Variants in TBPL2 observed in about 807,000 individuals in gnomAD.
TBPL2 encodes the protein TATA-box binding protein like 2.
A neutral mutation model predicts 38.2 loss-of-function variants in TBPL2; 40 were observed. The ratio of observed to expected loss-of-function variants is 1.05; its 90% CI spans 0.81 to 1.36. The LOEUF (loss-of-function observed/expected upper bound fraction) is 1.36. Ranked by LOEUF, TBPL2 falls within the 40% of genes most tolerant of loss-of-function variation. The pLI is 0.00. For missense variants in TBPL2, 461 were observed against 456.7 expected, an observed-to-expected ratio of 1.01 and a Z score of -0.09; for synonymous variants, 169 against 171.7, an observed-to-expected ratio of 0.98 and a Z score of 0.12.
chr14:55,428,802 C>T lies in TBPL2; in HGVS notation c.956+5G>A. ...TTCAAAGTTCAAGCTATATAACCGT[C>T]ATACCTACTGAACTGCTGATGGGTT... On this transcript the variant is annotated splice_donor_5th_base_variant and intron_variant, in intron 5 of 6. Coordinates refer to ENST00000247219, the Ensembl canonical transcript of TBPL2. 6.2e-7 allele frequency: 1 copy of T among 1,613,396 alleles called. No individual in the cohort carries two copies. The highest frequency in any genetic ancestry group is 8.5e-7 in the Non-Finnish European group (1 of 1,179,702).
rs1886008152 is a variant in TBPL2 at position 55,436,044 on chromosome 14, G to A, written c.609-110C>T. The A allele has an allele frequency of 4.6e-5, 28 of 608,880 alleles. No individual in the cohort carries two copies. In the East Asian group the frequency reaches 9.4e-4, roughly 20 times the overall value. 37.7% of individuals were successfully genotyped at this position (608,880 alleles called of 1,614,324 possible). A position where few individuals can be genotyped will look rare whatever the true frequency, so the allele number is the denominator to read the frequency against. On this transcript the variant is annotated intron_variant, in intron 2 of 6. Coordinates refer to ENST00000247219, the Ensembl canonical transcript of TBPL2. ...GTTATACCTTAGCAATTTCCTAGGG[G>A]GAGAATTATTCCAAATGTGAAATAC...
At chr14:55,434,152 A>T (rs1238758350) in intron 3 of TBPL2, among the ~76,000 whole-genome samples, 2 of 152,236 alleles carry the variant, frequency 1.3e-5, no homozygotes, top group Non-Finnish European at 2.9e-5. Flanking sequence ...TGGGAAAAAA[A>T]TAAGTATGTT....
chr14:55,436,249 C>T (rs147512711), intron 2 of TBPL2, among the ~76,000 whole-genome samples: 282 of 152,252 alleles, frequency 1.9e-3, no homozygotes, highest in Non-Finnish European at 3.2e-3. Flanking sequence ...ATCTTTATAT[C>T]CTTGGTGTTT....
chr14:55,429,120 C>T (rs1885881856), intron 4 of TBPL2, 146 bp from the exon 5 acceptor site: 2 of 961,130 alleles, frequency 2.1e-6, no homozygotes, highest in Non-Finnish European at 3.0e-6. Context: ...GGACTTACTT[C>T]CCATACTTTC....
chr14:55,419,507 A>G (rs919300625), intron 6 of TBPL2, among the ~76,000 whole-genome samples: 2 of 152,186 alleles, frequency 1.3e-5, no homozygotes, highest in African/African-American at 4.8e-5. Context: ...TAAATGTCAC[A>G]CCAGCCACAG....
rs545657669 is a variant in TBPL2, at chr14:55,424,826, G to C, written c.957-573C>G. ...AACTCATATTTACTACTAAATATAA[G>C]CTGGCCACTCCATGGAGCGAAAGAT... On this transcript the variant is annotated intron_variant, in intron 5 of 6. Coordinates refer to ENST00000247219, the Ensembl canonical transcript of TBPL2. Among the ~76,000 whole-genome samples the C allele has an allele frequency of 8.5e-5, 13 of 152,224 alleles. No individual in the cohort carries two copies. In the South Asian group the frequency reaches 2.7e-3, roughly 32 times the overall value.
intron 1 of TBPL2, among the ~76,000 whole-genome samples, chr14:55,437,911 G>A (rs1469424698): frequency 6.6e-6 from 1 of 152,206 alleles, no homozygotes; most frequent in Non-Finnish European, 1.5e-5. Context: ...AACTTAAATG[G>A]TAAGAATAGT....
chr14:55,430,750 C>T (rs759937305), intron 4 of TBPL2, among the ~76,000 whole-genome samples: 5 of 152,192 alleles, frequency 3.3e-5, no homozygotes, highest in Non-Finnish European at 7.3e-5. Flanking sequence ...ACAGCACTGC[C>T]CTTGGCTCTC....
chr14:55,426,277 A>T (rs1566592123), intron 5 of TBPL2, among the ~76,000 whole-genome samples: 2 of 149,788 alleles, frequency 1.3e-5, no homozygotes, highest in African/African-American at 5.1e-5. Flanking sequence ...CAAAAAAAAA[A>T]AATAAATAAA....
At chr14:55,414,997 A>G (rs1885647305) in intron 6 of TBPL2, among the ~76,000 whole-genome samples, 1 of 152,254 alleles carries the variant, frequency 6.6e-6, no homozygotes, top group African/African-American at 2.4e-5. Context: ...TCTTGTTTCA[A>G]GAAATTGTAA....
intron 4 of TBPL2, among the ~76,000 whole-genome samples, chr14:55,432,666 A>G (rs948230876): frequency 8.5e-5 from 13 of 152,246 alleles, no homozygotes; most frequent in Non-Finnish European, 1.5e-4. Context: ...AATTTAGCAA[A>G]TATAAAAAGA....
At chr14:55,437,464 C>T (rs879228445) in intron 1 of TBPL2, among the ~76,000 whole-genome samples, 9 of 152,136 alleles carry the variant, frequency 5.9e-5, no homozygotes, top group African/African-American at 1.2e-4. Flanking sequence ...GGTATCAGAG[C>T]GAGACTCCAT....
chr14:55,432,414 G>GA (rs200736816), intron 4 of TBPL2, among the ~76,000 whole-genome samples: 18,527 of 116,060 alleles, frequency 0.16, 1,231 homozygotes, highest in Non-Finnish European at 0.18. Context: ...CCGTGTCTCA[G>GA]AAAAAAAAAA....
In TBPL2 at chr14:55,428,918, C is replaced by T. The variant is rs774279604; in HGVS notation, c.845G>A (p.Gly282Glu). 7.4e-6 allele frequency: 12 copies of T among 1,614,034 alleles called. No individual in the cohort carries two copies. In the South Asian group the frequency reaches 1.1e-4, roughly 15 times the overall value. The change falls in exon 5 of 7, where the codon GGG becomes GAG. Residue 282 changes from glycine (G) to glutamate (E), a missense_variant. Coordinates refer to ENST00000247219, the Ensembl canonical transcript of TBPL2. The stretch of plus-strand genomic sequence containing the variant: ...AAAATCGAGGAATCTGGCAGGGAAC[C>T]CAAGCTTCTGCACCACACGAGCATA...
intron 3 of TBPL2, 83 bp downstream of exon 3, chr14:55,435,764 G>T: frequency 1.0e-6 from 1 of 1,004,880 alleles, no homozygotes; most frequent in Non-Finnish European, 1.5e-6. Flanking sequence ...AAAAACAGAG[G>T]AATTAGTCAA....
chr14:55,437,344 A>G (rs1251113246), intron 1 of TBPL2, among the ~76,000 whole-genome samples: 1 of 152,214 alleles, frequency 6.6e-6, no homozygotes, highest in African/African-American at 2.4e-5. Flanking sequence ...AGAGCATGGT[A>G]GTGCCTGCCT....
At chr14:55,431,206 C>G (rs10146736) in intron 4 of TBPL2, among the ~76,000 whole-genome samples, 1 of 151,992 alleles carries the variant, frequency 6.6e-6, no homozygotes, top group Non-Finnish European at 1.5e-5. Flanking sequence ...TAAATTCTCA[C>G]AACTCACTAT....
At chr14:55,439,489 C>T (rs1292762216) in intron 1 of TBPL2, among the ~76,000 whole-genome samples, 2 of 116,500 alleles carry the variant, frequency 1.7e-5, no homozygotes, top group Non-Finnish European at 1.8e-5. Flanking sequence ...CTGTGCATGT[C>T]CTTTAGAACC....
chr14:55,420,930 A>G (rs1462976569), intron 6 of TBPL2, among the ~76,000 whole-genome samples: 1 of 151,872 alleles, frequency 6.6e-6, no homozygotes, highest in Non-Finnish European at 1.5e-5. Flanking sequence ...GCATAGTGGC[A>G]GGTGCCTGTA....
Sources: allele counts gnomAD v4.1 joint callset (sites outside exome capture counted in the v4.1 genomes callset), GRCh38; gene constraint gnomAD v4.1.1; transcripts MANE v1.5; gene names NCBI Gene and HGNC (gene_info 2026-07-23, HGNC 2026-07-21).